Variants in NUBPL observed in about 807,000 individuals in gnomAD.
NUBPL encodes the protein NUBP iron-sulfur cluster assembly factor, mitochondrial.
Under a neutral mutation model 45.7 loss-of-function variants are expected in NUBPL, and 31 were observed. That is an observed-to-expected ratio of 0.68 (90% CI 0.51 to 0.92). NUBPL has a LOEUF of 0.92. NUBPL is among the 40% of genes least tolerant of loss of function. The pLI is 0.00. For missense variants in NUBPL, 401 were observed against 398.7 expected, an observed-to-expected ratio of 1.01 and a Z score of -0.05; for synonymous variants, 144 against 140.9, an observed-to-expected ratio of 1.02 and a Z score of -0.15.
intron 4 of NUBPL, among the ~76,000 whole-genome samples, chr14:31,631,062 C>T (rs2035328891): frequency 6.6e-6 from 1 of 152,160 alleles, no homozygotes; most frequent in Non-Finnish European, 1.5e-5. Context: ...TGGATTCTCC[C>T]TCCCTGTTTT....
chr14:31,572,779 GTACT>G (rs1267331863), intron 3 of NUBPL, among the ~76,000 whole-genome samples: 2 of 152,096 alleles, frequency 1.3e-5, no homozygotes, highest in African/African-American at 2.4e-5. Flanking sequence ...TGCGTAGAGT[GTACT>G]TAAACAAAGC....
intron 4 of NUBPL, among the ~76,000 whole-genome samples, chr14:31,614,015 T>C (rs552357928): frequency 2.5e-4 from 38 of 152,284 alleles, no homozygotes; most frequent in African/African-American, 9.1e-4. Context: ...TAATTTTTGA[T>C]TTTTAAAATA....
At chr14:31,618,142 G>A (rs1467285830) in intron 4 of NUBPL, among the ~76,000 whole-genome samples, 2 of 151,972 alleles carry the variant, frequency 1.3e-5, no homozygotes, top group South Asian at 2.1e-4. Flanking sequence ...TTTTTTAATT[G>A]CATCTATTTG....
At chr14:31,610,608 C>CAAAAAAAAAAAGAAAAAAAA in intron 4 of NUBPL, among the ~76,000 whole-genome samples, 1 of 94,708 alleles carries the variant, frequency 1.1e-5, no homozygotes, top group Non-Finnish European at 2.0e-5. Context: ...AAAGATACAT[C>CAAAAAAAAAAAGAAAAAAAA]AAAAAAAAAA....
intron 6 of NUBPL, among the ~76,000 whole-genome samples, chr14:31,747,888 A>G (rs977215236): frequency 1.3e-5 from 2 of 151,938 alleles, no homozygotes; most frequent in Non-Finnish European, 2.9e-5. Context: ...AGGTACATCA[A>G]TATGTTAGGT....
rs532251946 is a variant in NUBPL at position 31,860,042 on chromosome 14, C to G, written c.*862C>G. 1.3e-5 allele frequency: 2 copies of G among 152,046 alleles called. No individual in the cohort carries two copies. Among genetic ancestry groups the G allele is most frequent in the African/African-American group, 4.8e-5 (2 of 41,398 alleles). The allele number at this position is 152,046 out of a possible 1,614,324, so 9.4% of individuals were successfully genotyped here. A position where few individuals can be genotyped will look rare whatever the true frequency, so the allele number is the denominator to read the frequency against. ...GGTGGTGGCTAGGCGTGGTGGCTCA[C>G]GCCTGTAATCCCAGCACTTTGGGAG... On this transcript the variant is annotated 3_prime_UTR_variant, in exon 11 of 11. Transcript: ENST00000281081.
At chr14:31,841,830 A>G (rs192361107) in intron 8 of NUBPL, among the ~76,000 whole-genome samples, 1 of 132,234 alleles carries the variant, frequency 7.6e-6, no homozygotes, top group East Asian at 2.4e-4. Flanking sequence ...AAGATTCATT[A>G]TTTTATATAT....
chr14:31,753,503 A>G (rs546956780), intron 6 of NUBPL, among the ~76,000 whole-genome samples: 177 of 152,192 alleles, frequency 1.2e-3, no homozygotes, highest in African/African-American at 3.7e-3. Context: ...GGTCTAGCTG[A>G]AGTCATAGCA....
rs933710138 is a variant in NUBPL at position 31,700,694 on chromosome 14, C to T, written c.513+27120C>T. On this transcript the variant is annotated intron_variant, in intron 6 of 10. Coordinates refer to ENST00000281081, the MANE Select transcript of NUBPL (RefSeq NM_025152.3). Reference sequence around the variant, plus strand: ...GTGAGGGGCTTAGCACCTGGGCCAGCAGCTGTGGAGGGTGCGCTGGGTCCT... The same window carrying T: ...GTGAGGGGCTTAGCACCTGGGCCAGTAGCTGTGGAGGGTGCGCTGGGTCCT... Among the ~76,000 whole-genome samples, 8 of 152,272 alleles carry T rather than the reference C, an allele frequency of 5.3e-5. No homozygotes were observed. In the East Asian group the frequency reaches 1.4e-3, roughly 26 times the overall value.
chr14:31,588,780 G>A (rs575650627), intron 3 of NUBPL, among the ~76,000 whole-genome samples: 175 of 151,894 alleles, frequency 1.2e-3, no homozygotes, highest in African/African-American at 4.0e-3. Context: ...TTAGCGGGGC[G>A]TGGTAGCATG....
chr14:31,774,161 G>A (rs1180421996), intron 6 of NUBPL, among the ~76,000 whole-genome samples: 2 of 152,230 alleles, frequency 1.3e-5, no homozygotes, highest in Non-Finnish European at 2.9e-5. Flanking sequence ...GTGTGGCTGA[G>A]TTTACACCAC....
At chr14:31,561,655 AC>A in intron 1 of NUBPL, 108 bp downstream of exon 1, 4 of 739,974 alleles carry the variant, frequency 5.4e-6, no homozygotes, top group Non-Finnish European at 5.9e-6. Flanking sequence ...AGTTCCTGAG[AC>A]CCCCAGTGTG....
intron 7 of NUBPL, among the ~76,000 whole-genome samples, chr14:31,826,142 A>G (rs143256297): frequency 8.7e-4 from 132 of 151,964 alleles, no homozygotes; most frequent in African/African-American, 3.0e-3. Context: ...TTGTTTTGAG[A>G]TGAAGTCTTG....
chr14:31,731,972 G>A (rs1236932935), intron 6 of NUBPL, among the ~76,000 whole-genome samples: 1 of 151,950 alleles, frequency 6.6e-6, no homozygotes, highest in African/African-American at 2.4e-5. Context: ...AGAGGCCGAG[G>A]CGGGCGGATC....
chr14:31,632,650 T>C (rs2035375564), intron 4 of NUBPL, among the ~76,000 whole-genome samples: 1 of 152,232 alleles, frequency 6.6e-6, no homozygotes, highest in African/African-American at 2.4e-5. Flanking sequence ...CTTCCATGTA[T>C]GTTCTGAAGA....
intron 6 of NUBPL, among the ~76,000 whole-genome samples, chr14:31,773,476 A>T (rs577807717): frequency 7.6e-4 from 116 of 152,256 alleles, no homozygotes; most frequent in African/African-American, 2.7e-3. Context: ...GGGAGCATAA[A>T]CTGAAGTTGA....
At chr14:31,766,151 A>G (rs2038908152) in intron 6 of NUBPL, among the ~76,000 whole-genome samples, 1 of 152,228 alleles carries the variant, frequency 6.6e-6, no homozygotes, top group African/African-American at 2.4e-5. Flanking sequence ...TGTTAGAGGA[A>G]GATTAAAAAT....
intron 6 of NUBPL, among the ~76,000 whole-genome samples, chr14:31,777,958 A>G (rs140431389): frequency 1.3e-5 from 2 of 152,172 alleles, no homozygotes; most frequent in Non-Finnish European, 2.9e-5. Flanking sequence ...GACCATTCCA[A>G]ACAGAACCTA....
At chr14:31,619,614 C>T (rs143692498) in intron 4 of NUBPL, among the ~76,000 whole-genome samples, 9 of 152,262 alleles carry the variant, frequency 5.9e-5, no homozygotes, top group African/African-American at 1.7e-4. Flanking sequence ...CATTGGCCTC[C>T]ACTTTCTTCT....
Sources: allele counts gnomAD v4.1 joint callset (sites outside exome capture counted in the v4.1 genomes callset), GRCh38; gene constraint gnomAD v4.1.1; transcripts MANE v1.5; gene names NCBI Gene and HGNC (gene_info 2026-07-23, HGNC 2026-07-21).